The following MSI2 variants were observed in gnomAD, a reference collection of about 807,000 sequenced individuals.
The protein encoded by MSI2 is musashi RNA binding protein 2.
Under a neutral mutation model 45.6 loss-of-function variants are expected in MSI2, and 17 were observed. The observed-to-expected ratio is 0.37, with a 90% CI of 0.26 to 0.56. The LOEUF (loss-of-function observed/expected upper bound fraction) is 0.56, where lower values mean the gene tolerates loss of function less well. Among genes scored for constraint, MSI2 ranks in the 20% least tolerant of loss-of-function variants. The pLI is 0.77. For synonymous variants in MSI2, 156 were observed against 158.2 expected (o/e 0.99, Z 0.11); for missense variants, 293 against 444.2 (o/e 0.66, Z 3.06).
chr17:57,269,606 T>C (rs1908162351), intron 5 of MSI2, among the ~76,000 whole-genome samples: 1 of 152,266 alleles, frequency 6.6e-6, no homozygotes, highest in African/African-American at 2.4e-5. Context: ...TTCTACCTTC[T>C]GTTCTCTCCT....
chr17:57,353,824 C>T (rs1916218875), intron 5 of MSI2, among the ~76,000 whole-genome samples: 1 of 152,126 alleles, frequency 6.6e-6, no homozygotes, highest in African/African-American at 2.4e-5. Flanking sequence ...GTCTCCTTTT[C>T]CCCCATCCAT....
intron 6 of MSI2, among the ~76,000 whole-genome samples, chr17:57,510,384 A>T (rs1360641538): frequency 6.8e-6 from 1 of 146,144 alleles, no homozygotes; most frequent in Non-Finnish European, 1.5e-5. Flanking sequence ...CTCCTAAATA[A>T]TGTTGCACTC....
At chr17:57,577,359 G>T (rs1482585591) in intron 7 of MSI2, among the ~76,000 whole-genome samples, 1 of 152,134 alleles carries the variant, frequency 6.6e-6, no homozygotes, top group Non-Finnish European at 1.5e-5. Context: ...TGGGGCCAGG[G>T]ACCACTTTGC....
At chr17:57,300,443 T>C (rs1259770082) in intron 5 of MSI2, among the ~76,000 whole-genome samples, 1 of 152,214 alleles carries the variant, frequency 6.6e-6, no homozygotes, top group Non-Finnish European at 1.5e-5. Context: ...CCACTGTTAA[T>C]GAATTAGAGT....
chr17:57,550,306 T>C (rs1163892494), intron 7 of MSI2, among the ~76,000 whole-genome samples: 2 of 152,162 alleles, frequency 1.3e-5, no homozygotes, highest in Non-Finnish European at 2.9e-5. Context: ...CCAGGCGACC[T>C]TCAGGATCAG....
chr17:57,361,063 C>A (rs1186005053), intron 5 of MSI2, among the ~76,000 whole-genome samples: 2 of 152,172 alleles, frequency 1.3e-5, no homozygotes, highest in East Asian at 3.8e-4. Flanking sequence ...GGGATCCTAG[C>A]TGAACTGAGT....
chr17:57,679,826 T>C lies in MSI2; in HGVS notation c.*309T>C. 1 of 233,758 alleles carries C rather than the reference T, an allele frequency of 4.3e-6. No individual in the cohort carries two copies. The highest frequency in any genetic ancestry group is 8.4e-6 in the Non-Finnish European group (1 of 118,766). The allele number at this position is 233,758 out of a possible 1,614,324, so 14.5% of individuals were successfully genotyped here. Reference sequence around the variant, plus strand: ...CCCTCCCTCTCTTCCCATTCTCCTTTTAAATCTCTTTGAATCACATTTGGT... The same window carrying C: ...CCCTCCCTCTCTTCCCATTCTCCTTCTAAATCTCTTTGAATCACATTTGGT... On this transcript the variant is annotated 3_prime_UTR_variant, in exon 14 of 14. Coordinates refer to ENST00000284073, the MANE Select transcript of MSI2 (RefSeq NM_138962.4).
intron 5 of MSI2, among the ~76,000 whole-genome samples, chr17:57,346,917 A>G (rs1915665726): frequency 6.6e-6 from 1 of 152,134 alleles, no homozygotes; most frequent in Admixed American, 6.5e-5. Flanking sequence ...AAAGTGTCCT[A>G]TTTTTACAAA....
Position 57,534,499 on chromosome 17 carries a change from G to A in MSI2, c.454+4775G>A, listed in dbSNP as rs373678144. ...GGCCGAGGCGGGTGGATCACCAGAG[G>A]TCAGGAGTTCAAGACCAGCCTGGCC... On this transcript the variant is annotated intron_variant, in intron 7 of 13. Coordinates refer to ENST00000284073, the MANE Select transcript of MSI2 (RefSeq NM_138962.4). Among the ~76,000 whole-genome samples, 89 of 152,280 alleles carry A rather than the reference G, an allele frequency of 5.8e-4. No homozygotes were observed. In the Middle Eastern group the frequency reaches 0.014, roughly 23 times the overall value.
intron 5 of MSI2, among the ~76,000 whole-genome samples, chr17:57,396,436 T>C (rs1051107115): frequency 1.0e-5 from 1 of 99,568 alleles, no homozygotes; most frequent in Non-Finnish European, 2.2e-5. Context: ...CACACACACA[T>C]CCCATTTGCT....
chr17:57,455,045 C>T (rs2085086818), intron 6 of MSI2, among the ~76,000 whole-genome samples: 1 of 152,134 alleles, frequency 6.6e-6, no homozygotes, highest in Admixed American at 6.5e-5. Context: ...ATTTTCCCAC[C>T]CACCTTATGA....
chr17:57,358,609 G>T (rs1916611574), intron 5 of MSI2, among the ~76,000 whole-genome samples: 1 of 152,168 alleles, frequency 6.6e-6, no homozygotes, highest in African/African-American at 2.4e-5. Context: ...TTGGAGGTTT[G>T]TTAGATCAAA....
At chr17:57,285,898 T>C (rs1462388588) in intron 5 of MSI2, 1 of 1,532,452 alleles carries the variant, frequency 6.5e-7, no homozygotes, top group Admixed American at 2.0e-5. Flanking sequence ...TGAGGGGTTA[T>C]ATTAAGAAAG....
chr17:57,559,889 A>G lies in MSI2; in HGVS notation c.454+30165A>G, dbSNP rs1342977925. Among the ~76,000 whole-genome samples the G allele has an allele frequency of 2.6e-5, 4 of 152,244 alleles. No individual in the cohort carries two copies. The South Asian group carries it at 6.2e-4, about 24-fold the overall frequency. On this transcript the variant is annotated intron_variant, in intron 7 of 13. Transcript: ENST00000284073. ...CTGCAGAGGCAGGGCTTCATGAAGC[A>G]GGAGCAGGCAGCTCAGACCTGGGCC...
intron 6 of MSI2, among the ~76,000 whole-genome samples, chr17:57,506,909 C>G (rs2086241613): frequency 6.6e-6 from 1 of 152,070 alleles, no homozygotes; most frequent in Non-Finnish European, 1.5e-5. Flanking sequence ...ATGTTGGGGT[C>G]AGGGAGGATC....
intron 6 of MSI2, among the ~76,000 whole-genome samples, chr17:57,439,551 G>A (rs12948237): frequency 0.22 from 33,219 of 151,296 alleles, 3,997 homozygotes; most frequent in South Asian, 0.3. Flanking sequence ...TGGGGAGATA[G>A]GCTTTGTCTT....
intron 5 of MSI2, among the ~76,000 whole-genome samples, chr17:57,281,605 T>G (rs1909423328): frequency 6.6e-6 from 1 of 152,200 alleles, no homozygotes; most frequent in African/African-American, 2.4e-5. Flanking sequence ...GGATCTTGCC[T>G]TCCAGAGAAT....
At chr17:57,413,096 T>A (rs1168590877) in intron 6 of MSI2, among the ~76,000 whole-genome samples, 1 of 152,214 alleles carries the variant, frequency 6.6e-6, no homozygotes, top group Non-Finnish European at 1.5e-5. Flanking sequence ...CCTCTGAGAC[T>A]CTGGAGTTTC....
intron 6 of MSI2, 69 bp downstream of exon 6, chr17:57,401,540 G>A (rs922354945): frequency 2.0e-5 from 24 of 1,228,726 alleles, no homozygotes; most frequent in East Asian, 7.0e-5. Flanking sequence ...AGAGGCTACC[G>A]TGGCCCCCGC....
Sources: allele counts gnomAD v4.1 joint callset (sites outside exome capture counted in the v4.1 genomes callset), GRCh38; gene constraint gnomAD v4.1.1; transcripts MANE v1.5; gene names NCBI Gene and HGNC (gene_info 2026-07-23, HGNC 2026-07-21).